The following PDZRN3 variants were observed in gnomAD, a reference collection of about 807,000 sequenced individuals.
PDZRN3 encodes the protein PDZ domain containing ring finger 3.
A neutral mutation model predicts 85.7 loss-of-function variants in PDZRN3; 38 were observed. The ratio of observed to expected loss-of-function variants is 0.44; its 90% CI spans 0.34 to 0.58. The LOEUF (loss-of-function observed/expected upper bound fraction) is 0.58. Among genes scored for constraint, PDZRN3 ranks in the 20% least tolerant of loss-of-function variants. The pLI is 0.01. For synonymous variants in PDZRN3, 759 were observed against 638.0 expected (o/e 1.19, Z -2.86); for missense variants, 1,629 against 1,506.4 (o/e 1.08, Z -1.35).
chr3:73,386,226 C>CTTTTTTTT (rs71126867), intron 8 of PDZRN3, among the ~76,000 whole-genome samples: 2,635 of 90,474 alleles, frequency 0.029, 470 homozygotes, highest in African/African-American at 0.079. Context: ...CAAGATATCA[C>CTTTTTTTT]TTTTTTTTTT....
At chr3:73,476,992 G>A (rs997077106) in intron 3 of PDZRN3, among the ~76,000 whole-genome samples, 2 of 152,072 alleles carry the variant, frequency 1.3e-5, no homozygotes, top group Non-Finnish European at 2.9e-5. Flanking sequence ...TCTGTTACAC[G>A]CAATAGATAA....
At chr3:73,599,950 GC>G (rs1702487205) in intron 3 of PDZRN3, among the ~76,000 whole-genome samples, 1 of 152,162 alleles carries the variant, frequency 6.6e-6, no homozygotes, top group African/African-American at 2.4e-5. Context: ...TTATGCAACA[GC>G]CTATATATTT....
intron 3 of PDZRN3, among the ~76,000 whole-genome samples, chr3:73,510,136 G>GT (rs200876081): frequency 0.01 from 1,556 of 152,290 alleles, 12 homozygotes; most frequent in Middle Eastern, 0.017. Flanking sequence ...AACCAGCTTG[G>GT]TAAACTACTT....
At chr3:73,408,858 A>T (rs1203643847) in intron 3 of PDZRN3, among the ~76,000 whole-genome samples, 1 of 152,130 alleles carries the variant, frequency 6.6e-6, no homozygotes, top group Non-Finnish European at 1.5e-5. Context: ...ACCGAGAATG[A>T]CAACTTTTAT....
At chr3:73,462,663 A>G (rs943800215) in intron 3 of PDZRN3, among the ~76,000 whole-genome samples, 3 of 152,146 alleles carry the variant, frequency 2.0e-5, no homozygotes, top group African/African-American at 7.2e-5. Context: ...GCATGTCAAG[A>G]GAAAACTGAG....
intron 3 of PDZRN3, among the ~76,000 whole-genome samples, chr3:73,440,148 G>A (rs1702606808): frequency 6.6e-6 from 1 of 152,154 alleles, no homozygotes; most frequent in African/African-American, 2.4e-5. Context: ...GAACATCCTG[G>A]CTGCCTGAGA....
chr3:73,487,591 C>T (rs1309462114), intron 3 of PDZRN3, among the ~76,000 whole-genome samples: 1 of 152,194 alleles, frequency 6.6e-6, no homozygotes, highest in East Asian at 1.9e-4. Context: ...TCTCCTGTGA[C>T]CCTAAGCTTT....
intron 3 of PDZRN3, chr3:73,569,046 G>T: frequency 1.9e-6 from 1 of 530,560 alleles, no homozygotes; most frequent in Non-Finnish European, 3.3e-6. Flanking sequence ...AAAAACTGAG[G>T]TCCTATGAAG....
chr3:73,396,123 T>C (rs1701630686), intron 5 of PDZRN3, among the ~76,000 whole-genome samples: 3 of 152,116 alleles, frequency 2.0e-5, no homozygotes, highest in African/African-American at 7.2e-5. Context: ...CTTGGGAAGC[T>C]GAGGCAGGTG....
At chr3:73,577,602 G>A (rs994751746) in intron 3 of PDZRN3, among the ~76,000 whole-genome samples, 2 of 152,142 alleles carry the variant, frequency 1.3e-5, no homozygotes, top group African/African-American at 4.8e-5. Context: ...AGGGAGAGAG[G>A]AGAAATGCGC....
At chr3:73,608,550 TC>T (rs764220077) in intron 2 of PDZRN3, 47 bp downstream of exon 2, 2 of 1,317,420 alleles carry the variant, frequency 1.5e-6, no homozygotes, top group Admixed American at 3.4e-5. Flanking sequence ...GACCTCTCTT[TC>T]CAGCTACACC....
intron 3 of PDZRN3, among the ~76,000 whole-genome samples, chr3:73,553,652 G>A (rs1701620115): frequency 6.6e-6 from 1 of 151,910 alleles, no homozygotes; most frequent in Admixed American, 6.6e-5. Context: ...AAGTAGCCCA[G>A]ACCCAGTACT....
At chr3:73,385,826 T>C (rs1175875470) in intron 8 of PDZRN3, 41 bp from the exon 9 acceptor site, 1 of 1,132,390 alleles carries the variant, frequency 8.8e-7, no homozygotes, top group South Asian at 1.2e-5. Flanking sequence ...AGAAGTTTCC[T>C]TTCATGTTCA....
At chr3:73,433,615 A>G (rs1248878652) in intron 3 of PDZRN3, 2 of 1,480,190 alleles carry the variant, frequency 1.4e-6, no homozygotes, top group African/African-American at 2.8e-5. Flanking sequence ...ATGCACTTCT[A>G]TGGAATAAAA....
chr3:73,590,193 G>A (rs181325862), intron 3 of PDZRN3, among the ~76,000 whole-genome samples: 8 of 150,546 alleles, frequency 5.3e-5, no homozygotes, highest in Admixed American at 5.3e-4. Context: ...CGCTTGAACC[G>A]GGGAAGCAGA....
In PDZRN3 at chr3:73,404,272, G is replaced by A; in HGVS notation, c.1042C>T (p.Pro348Ser). 1.9e-6 allele frequency: 3 copies of A among 1,614,154 alleles called. No individual in the cohort carries two copies. Among genetic ancestry groups the A allele is most frequent in the South Asian group, 1.1e-5 (1 of 91,066 alleles). The change falls in exon 4 of 10, where the codon CCA (proline) becomes TCA (serine). Residue 348 changes from proline (P) to serine (S), a missense_variant. Physicochemically the swap from Pro to Ser is moderately conservative, Grantham distance 74. Transcript: ENST00000263666. ...RTPRTKMFTPPSESQLVDTGT... is the reference protein window; with the variant it reads ...RTPRTKMFTPSSESQLVDTGT... ...GTGTCCACCAGCTGAGACTCTGATG[G>A]AGGCGTGAACATTTTGGTCCTTGGT...
chr3:73,435,077 C>T (rs1360930199), intron 3 of PDZRN3, among the ~76,000 whole-genome samples: 1 of 152,210 alleles, frequency 6.6e-6, no homozygotes, highest in African/African-American at 2.4e-5. Context: ...AGGACTCCCA[C>T]GTCCCTTGCT....
chr3:73,487,174 A>C (rs1378861773), intron 3 of PDZRN3, among the ~76,000 whole-genome samples: 3 of 152,134 alleles, frequency 2.0e-5, no homozygotes, highest in Non-Finnish European at 4.4e-5. Flanking sequence ...TAACTTCAAT[A>C]TCTCTAAATT....
In PDZRN3 at chr3:73,462,121, T is replaced by C. The variant is rs1173434611; in HGVS notation, c.919-57726A>G. ...ATTATATGAAAAGCAAGATGTCAGA[T>C]AGATTACATGTTTGCAATGATGCTG... is the stretch of plus-strand genomic sequence containing the variant. On this transcript the variant is annotated intron_variant, in intron 3 of 9. Transcript: ENST00000263666. Among the ~76,000 whole-genome samples the C allele has an allele frequency of 4.6e-5, 7 of 152,336 alleles. No homozygotes were observed. The East Asian group carries it at 9.6e-4, about 21-fold the overall frequency.
Sources: gnomAD v4.1 joint callset for allele counts (sites outside exome capture counted in the v4.1 genomes callset) on GRCh38, gnomAD v4.1.1 for gene constraint, MANE v1.5 for transcripts, NCBI Gene and HGNC (gene_info 2026-07-23, HGNC 2026-07-21) for gene names.